Variants in RPN1 observed in about 807,000 individuals in gnomAD.
RPN1 encodes the protein dolichyl-diphosphooligosaccharide--protein glycosyltransferase subunit 1.
RPN1 carries 12 observed loss-of-function variants against 55.5 expected under a neutral mutation model. The observed-to-expected ratio is 0.22, with a 90% CI of 0.14 to 0.35. RPN1 has a LOEUF of 0.35. RPN1 is among the 10% of genes least tolerant of loss of function. RPN1 has a pLI of 1.00. For synonymous variants in RPN1, 317 were observed against 305.9 expected (o/e 1.04, Z -0.38); for missense variants, 679 against 761.3 (o/e 0.89, Z 1.27).
intron 1 of RPN1, among the ~76,000 whole-genome samples, chr3:128,645,494 C>T (rs930356680): frequency 1.3e-5 from 2 of 151,714 alleles, no homozygotes; most frequent in Non-Finnish European, 2.9e-5. Flanking sequence ...GGCATAAAAC[C>T]GCTATAAATG....
At position 128,646,060 on chromosome 3, in the gene RPN1, T is replaced by C. The variant is rs377208452; in HGVS notation, c.262-1077A>G. Among the ~76,000 whole-genome samples, 4 of 151,288 alleles carry C rather than the reference T, an allele frequency of 2.6e-5. No individual in the cohort carries two copies. In the East Asian group the frequency reaches 7.9e-4, roughly 30 times the overall value. On this transcript the variant is annotated intron_variant, in intron 1 of 9. Transcript: ENST00000296255. ...GAGTTCAAGACCAGTCTGGCCAATATAGTGAAACCCCATCTCTACTAAAAA... is the reference window on the plus strand; with the variant it reads ...GAGTTCAAGACCAGTCTGGCCAATACAGTGAAACCCCATCTCTACTAAAAA...
intron 2 of RPN1, among the ~76,000 whole-genome samples, chr3:128,640,315 T>A (rs2069715805): frequency 6.6e-6 from 1 of 152,206 alleles, no homozygotes; most frequent in African/African-American, 2.4e-5. Context: ...ATTAATAAGC[T>A]TCAATGAGTT....
chr3:128,645,970 C>A (rs975135811), intron 1 of RPN1, among the ~76,000 whole-genome samples: 1 of 151,440 alleles, frequency 6.6e-6, no homozygotes, highest in Non-Finnish European at 1.5e-5. Context: ...CAGGGCTGGG[C>A]GCAGTGGCTC....
intron 5 of RPN1, 117 bp from the exon 6 acceptor site, chr3:128,626,949 C>A: frequency 1.2e-6 from 1 of 836,318 alleles, no homozygotes; most frequent in East Asian, 2.6e-5. Context: ...ACCAAAAACC[C>A]ACGGACCATG....
At chr3:128,633,617 GTATAT>G (rs2069656628) in intron 3 of RPN1, among the ~76,000 whole-genome samples, 1 of 152,230 alleles carries the variant, frequency 6.6e-6, no homozygotes, top group African/African-American at 2.4e-5. Flanking sequence ...ATGCAGAGAT[GTATAT>G]TATAATATTA....
At chr3:128,629,265 T>TA (rs2069624675) in intron 5 of RPN1, among the ~76,000 whole-genome samples, 1 of 151,778 alleles carries the variant, frequency 6.6e-6, no homozygotes, top group Admixed American at 6.6e-5. Context: ...TAAAAAGGTT[T>TA]AAAAAAAAGA....
intron 5 of RPN1, chr3:128,627,110 G>T (rs2069604917): frequency 2.4e-6 from 1 of 408,692 alleles, no homozygotes; most frequent in African/African-American, 2.0e-5. Flanking sequence ...CAACTGATGG[G>T]CTTGAGAACA....
chr3:128,635,933 ATTT>A (rs2069678959), intron 3 of RPN1, among the ~76,000 whole-genome samples: 1 of 151,862 alleles, frequency 6.6e-6, no homozygotes, highest in East Asian at 1.9e-4. Context: ...GTTATATATG[ATTT>A]TGTTACATAC....
chr3:128,635,642 T>TAG (rs1489869826), intron 3 of RPN1, among the ~76,000 whole-genome samples: 436 of 7,968 alleles, frequency 0.055, 5 homozygotes, highest in Middle Eastern at 0.25. Context: ...TATATATAGA[T>TAG]ATATATATAT....
At chr3:128,635,774 A>G (rs1397608947) in intron 3 of RPN1, among the ~76,000 whole-genome samples, 1 of 150,160 alleles carries the variant, frequency 6.7e-6, no homozygotes, top group African/African-American at 2.4e-5. Context: ...GTGTGTGTAT[A>G]TATATAAATA....
chr3:128,631,851 C>A, intron 4 of RPN1, 97 bp downstream of exon 4: 2 of 1,342,010 alleles, frequency 1.5e-6, no homozygotes, highest in South Asian at 1.3e-5. Flanking sequence ...CAACCCTAAA[C>A]AACTGCCTAA....
At chr3:128,629,847 A>C (rs2069629003) in intron 5 of RPN1, 104 bp downstream of exon 5, 1 of 641,510 alleles carries the variant, frequency 1.6e-6, no homozygotes, top group Non-Finnish European at 2.7e-6. Flanking sequence ...CCTTCCTCAG[A>C]ATGACAAATG....
chr3:128,640,955 CA>C (rs1472443429), intron 2 of RPN1: 3 of 152,182 alleles, frequency 2.0e-5, no homozygotes, highest in East Asian at 3.8e-4. Flanking sequence ...ATTCAGAAGA[CA>C]AATCAGAACC....
intron 3 of RPN1, among the ~76,000 whole-genome samples, chr3:128,635,276 T>C (rs906803732): frequency 6.6e-6 from 1 of 151,830 alleles, no homozygotes; most frequent in Admixed American, 6.6e-5. Flanking sequence ...AACAAATGAA[T>C]GGGAGAATTG....
At chr3:128,637,238 T>C (rs1190443229) in intron 3 of RPN1, among the ~76,000 whole-genome samples, 2 of 151,486 alleles carry the variant, frequency 1.3e-5, no homozygotes, top group South Asian at 2.1e-4. Flanking sequence ...ATCCTGTCTC[T>C]TAAAAAAAAA....
rs553468678 is a variant in RPN1 at position 128,637,250 on chromosome 3, A to T, written c.633+549T>A. Among the ~76,000 whole-genome samples the T allele has an allele frequency of 1.9e-3, 289 of 151,886 alleles. 1 individual carries two copies. Among genetic ancestry groups the T allele is most frequent in the African/African-American group, 5.0e-3 (208 of 41,370 alleles). On this transcript the variant is annotated intron_variant, in intron 3 of 9. Coordinates refer to ENST00000296255, the MANE Select transcript of RPN1 (RefSeq NM_002950.4). ...AGGATCCTGTCTCTTAAAAAAAAAA[A>T]TTTTTTTAAGTACTCCACCAAAGAA...
Position 128,620,190 on chromosome 3 carries a change from GTTTTTTTAAAGTTTTC to G in RPN1, c.*205_*220del. The G allele has an allele frequency of 2.7e-6, 1 of 374,308 alleles. No homozygotes were observed. Among genetic ancestry groups the G allele is most frequent in the Non-Finnish European group, 4.7e-6 (1 of 212,148 alleles). The allele number at this position is 374,308 out of a possible 1,614,324, so 23.2% of individuals were successfully genotyped here. A position where few individuals can be genotyped will look rare whatever the true frequency, so the allele number is the denominator to read the frequency against. ...CAAAGATGTTTTGTTTTTAATGGGA[GTTTTTTTAAAGTTTTC>G]TTTTTTTAAAAAAAAAAAAAAAGAA... On this transcript the variant is annotated 3_prime_UTR_variant, in exon 10 of 10. Coordinates refer to ENST00000296255, the MANE Select transcript of RPN1 (RefSeq NM_002950.4).
rs549520950 is a variant in RPN1 at position 128,647,346 on chromosome 3, G to A, written c.262-2363C>T. On this transcript the variant is annotated intron_variant, in intron 1 of 9. Transcript: ENST00000296255. The stretch of plus-strand genomic sequence containing the variant: ...TCATACAATCATCCTCAATAAAGCT[G>A]TACAGTCTAATACAAACAAGTTTCA... Among the ~76,000 whole-genome samples, 3 of 152,224 alleles carry A rather than the reference G, an allele frequency of 2.0e-5. No individual in the cohort carries two copies. The South Asian group carries it at 6.2e-4, about 32-fold the overall frequency.
intron 2 of RPN1, among the ~76,000 whole-genome samples, chr3:128,639,172 C>A (rs913442999): frequency 2.0e-5 from 3 of 151,722 alleles, no homozygotes; most frequent in Non-Finnish European, 4.4e-5. Context: ...CATACATAGA[C>A]CCGGGGAGGG....
Sources: allele counts gnomAD v4.1 joint callset (sites outside exome capture counted in the v4.1 genomes callset), GRCh38; gene constraint gnomAD v4.1.1; transcripts MANE v1.5; gene names NCBI Gene and HGNC (gene_info 2026-07-23, HGNC 2026-07-21).